Variants in FAM120A observed in about 807,000 individuals in gnomAD.
FAM120A encodes constitutive coactivator of PPAR-gamma-like protein 1.
Under a neutral mutation model 109.7 loss-of-function variants are expected in FAM120A, and 15 were observed. That is an observed-to-expected ratio of 0.14 (90% confidence interval 0.09 to 0.21). The LOEUF (loss-of-function observed/expected upper bound fraction) is 0.21, where lower values mean the gene tolerates loss of function less well. Among genes scored for constraint, FAM120A ranks in the 10% least tolerant of loss-of-function variants. The pLI is 1.00. For synonymous variants in FAM120A, 493 were observed against 572.8 expected (o/e 0.86, Z 1.99); for missense variants, 899 against 1,439.3 (o/e 0.62, Z 6.07).
At position 93,452,051 on chromosome 9, in the gene FAM120A, C is replaced by T. The variant is rs1441338209; in HGVS notation, c.136C>T (p.Leu46=). ...RQRPPQTPLR[L]LVDADNCLHR... ...GCGGCCCCCGCAGACCCCGCTGCGC[C>T]TGCTGGTGGACGCCGACAACTGCCT... The change falls in exon 1 of 18, where the codon CTG becomes TTG. Residue 46 remains leucine (L), a synonymous_variant. Transcript: ENST00000277165. The surrounding 1 kb of genome is among the most constrained non-coding windows in gnomAD (Gnocchi z 7.0). The T allele has an allele frequency of 1.3e-6, 2 of 1,584,734 alleles. No homozygotes were observed. The highest frequency in any genetic ancestry group is 1.7e-6 in the Non-Finnish European group (2 of 1,166,228).
At chr9:93,544,268 T>C (rs940442415) in intron 11 of FAM120A, among the ~76,000 whole-genome samples, 1 of 152,246 alleles carries the variant, frequency 6.6e-6, no homozygotes, top group African/African-American at 2.4e-5. Flanking sequence ...CCCTACAAGA[T>C]GCTTCAGGCA....
At chr9:93,564,176 T>A (rs535842228) in intron 17 of FAM120A, 53 bp from the exon 18 acceptor site, 3 of 1,557,668 alleles carry the variant, frequency 1.9e-6, no homozygotes, top group Admixed American at 3.6e-5. Flanking sequence ...GCATCCTCTC[T>A]CTTCTGTTTA....
intron 14 of FAM120A, 77 bp from the exon 15 acceptor site, chr9:93,558,504 T>A: frequency 6.5e-7 from 1 of 1,546,474 alleles, no homozygotes; most frequent in Non-Finnish European, 8.8e-7. Flanking sequence ...CAGGGGCCAC[T>A]CTGCCTGAAT....
chr9:93,529,272 T>C (rs1403338914), intron 8 of FAM120A, 81 bp from the exon 9 acceptor site: 2 of 1,272,622 alleles, frequency 1.6e-6, no homozygotes, highest in East Asian at 4.9e-5. Context: ...GTCTGTCAGG[T>C]GAACAGGCAC....
At chr9:93,536,424 G>A (rs1214399845) in intron 10 of FAM120A, among the ~76,000 whole-genome samples, 2 of 152,202 alleles carry the variant, frequency 1.3e-5, no homozygotes, top group African/African-American at 4.8e-5. Flanking sequence ...ACCTAAAATA[G>A]CTTCAGAACC....
In FAM120A at chr9:93,498,437, G is replaced by A. The variant is rs1040919409; in HGVS notation, c.934-353G>A. 6.6e-6 allele frequency among the ~76,000 whole-genome samples: 1 copy of A among 152,164 alleles called. No homozygotes were observed. Among genetic ancestry groups the A allele is most frequent in the Non-Finnish European group, 1.5e-5 (1 of 68,022 alleles). The stretch of plus-strand genomic sequence containing the variant: ...GAAACCCTGGGCAGGAACATCCCCA[G>A]TCTGTCACTGCCATCCGTTCCCTTG... On this transcript the variant is annotated intron_variant, in intron 4 of 17. Coordinates refer to ENST00000277165, the MANE Select transcript of FAM120A (RefSeq NM_014612.5). This position sits in a 1 kb window ranked among gnomAD's most constrained non-coding sequence, Gnocchi z 4.4.
At chr9:93,556,339 G>A (rs377756272) in intron 12 of FAM120A, 43 bp from the exon 13 acceptor site, 4 of 1,492,532 alleles carry the variant, frequency 2.7e-6, no homozygotes, top group African/African-American at 1.4e-5. Context: ...ATTTAATACT[G>A]TAGTACTCTT....
At chr9:93,526,219 T>G (rs1861076359) in intron 7 of FAM120A, among the ~76,000 whole-genome samples, 1 of 152,230 alleles carries the variant, frequency 6.6e-6, no homozygotes, top group Non-Finnish European at 1.5e-5. Context: ...AGTGTGGTGC[T>G]GCATCCTGCT....
intron 3 of FAM120A, among the ~76,000 whole-genome samples, chr9:93,491,636 T>A (rs1859325308): frequency 6.6e-6 from 1 of 152,198 alleles, no homozygotes; most frequent in East Asian, 1.9e-4. Context: ...CCTAAATTAT[T>A]TTCTTGACCT....
intron 3 of FAM120A, among the ~76,000 whole-genome samples, chr9:93,480,237 T>G (rs551857570): frequency 1.3e-5 from 2 of 152,334 alleles, no homozygotes; most frequent in East Asian, 3.9e-4. Flanking sequence ...GGCCATTTCA[T>G]GTAACATGTA....
Position 93,565,577 on chromosome 9 carries a change from T to G in FAM120A, c.*1037T>G, listed in dbSNP as rs1442672651. On this transcript the variant is annotated 3_prime_UTR_variant, in exon 18 of 18. Coordinates refer to ENST00000277165, the MANE Select transcript of FAM120A (RefSeq NM_014612.5). ...GCCCCCCAAAAATTATCTAGCCGTT[T>G]CGAATATCAACATTACCCTGGTGTA... 2 of 152,396 alleles carry G rather than the reference T, an allele frequency of 1.3e-5. No individual in the cohort carries two copies. The highest frequency in any genetic ancestry group is 2.9e-5 in the Non-Finnish European group (2 of 68,022). 9.4% of individuals were successfully genotyped at this position (152,396 alleles called of 1,614,324 possible).
chr9:93,508,291 A>G (rs1860155635), intron 5 of FAM120A, among the ~76,000 whole-genome samples: 1 of 152,232 alleles, frequency 6.6e-6, no homozygotes, highest in African/African-American at 2.4e-5. Context: ...GTGATGAGCA[A>G]CCTGGTCCTG....
chr9:93,527,924 C>G (rs903382941), intron 8 of FAM120A, among the ~76,000 whole-genome samples: 38 of 152,042 alleles, frequency 2.5e-4, no homozygotes, highest in Admixed American at 2.0e-4. Flanking sequence ...CGCCCTGTCT[C>G]CCTGCTTTTC....
In FAM120A at chr9:93,452,006, C is replaced by A; in HGVS notation, c.91C>A (p.Leu31Met). 6.4e-7 allele frequency: 1 copy of A among 1,554,280 alleles called. No individual in the cohort carries two copies. Among genetic ancestry groups the A allele is most frequent in the South Asian group, 1.2e-5 (1 of 85,148 alleles). Residue 31 changes from leucine (L) to methionine (M), a missense_variant, in exon 1 of 18, where the codon CTG becomes ATG. By Grantham distance (15) the Leu-to-Met change is conservative. Transcript: ENST00000277165. This position sits in a 1 kb window ranked among gnomAD's most constrained non-coding sequence, Gnocchi z 7.0. ...GCTGCAGAAGCTGGCCCGGGGCAGC[C>A]TGGTGGGCGGCGGGCGGCAGCGGCC... The part of the protein sequence containing the change: ...VELQKLARGS[L>M]VGGGRQRPPQ...
At chr9:93,477,723 A>G (rs889615701) in intron 3 of FAM120A, among the ~76,000 whole-genome samples, 2 of 152,242 alleles carry the variant, frequency 1.3e-5, no homozygotes, top group African/African-American at 2.4e-5. Flanking sequence ...AGATACTCCC[A>G]AGGTTTCTGG....
chr9:93,454,624 A>G (rs1408032032), intron 1 of FAM120A, among the ~76,000 whole-genome samples: 1 of 152,256 alleles, frequency 6.6e-6, no homozygotes, highest in Non-Finnish European at 1.5e-5. Flanking sequence ...AGATTTAAAA[A>G]GCTATAAAAA....
intron 8 of FAM120A, 91 bp downstream of exon 8, chr9:93,527,333 C>G (rs1430370377): frequency 1.2e-5 from 11 of 946,244 alleles, no homozygotes; most frequent in Non-Finnish European, 1.7e-5. Flanking sequence ...AATAATATCT[C>G]TCTCTTTTAA....
chr9:93,562,675 T>C lies in FAM120A; in HGVS notation c.3045+371T>C, dbSNP rs1862511742. Among the ~76,000 whole-genome samples, 2 of 149,312 alleles carry C rather than the reference T, an allele frequency of 1.3e-5. 1 individual carries two copies. The highest frequency in any genetic ancestry group is 6.8e-3 in the Middle Eastern group (2 of 292). The stretch of plus-strand genomic sequence containing the variant: ...TCTTTCTTTCTTTTTCTTTTTTTTT[T>C]TTTTTTTGAGATGGAGTCTCGCTCT... On this transcript the variant is annotated intron_variant, in intron 17 of 17. Coordinates refer to ENST00000277165, the MANE Select transcript of FAM120A (RefSeq NM_014612.5).
At chr9:93,562,698 T>G (rs1277476146) in intron 17 of FAM120A, among the ~76,000 whole-genome samples, 1 of 148,012 alleles carries the variant, frequency 6.8e-6, no homozygotes, top group Non-Finnish European at 1.5e-5. Flanking sequence ...GGAGTCTCGC[T>G]CTATTGCCCA....
Sources: gnomAD v4.1 joint callset for allele counts (sites outside exome capture counted in the v4.1 genomes callset) on GRCh38, gnomAD v4.1.1 for gene constraint, Gnocchi (gnomAD v3.1) non-coding constraint, MANE v1.5 for transcripts, NCBI Gene and HGNC (gene_info 2026-07-23, HGNC 2026-07-21) for gene names.